GMPS: variants seen among roughly 807,000 people sequenced by gnomAD.
The protein encoded by GMPS is guanosine monophosphate synthase, also known as GMP synthase [glutamine-hydrolyzing].
In GMPS, 15 loss-of-function variants were observed where a neutral mutation model predicts 77.9. The observed-to-expected ratio is 0.19, with a 90% CI of 0.13 to 0.30. The LOEUF (loss-of-function observed/expected upper bound fraction) is 0.30, where lower values mean the gene tolerates loss of function less well. Among genes scored for constraint, GMPS ranks in the 10% least tolerant of loss-of-function variants. GMPS has a pLI of 1.00. For missense variants in GMPS, 590 were observed against 838.8 expected (o/e 0.70, Z 3.66); for synonymous variants, 224 against 275.9 (o/e 0.81, Z 1.86).
At chr3:155,937,520 C>A in intron 15 of GMPS, 71 bp from the exon 16 acceptor site, 1 of 711,714 alleles carries the variant, frequency 1.4e-6, no homozygotes, top group Non-Finnish European at 2.5e-6. Flanking sequence ...TTTCAAATTA[C>A]AAATGTAAGC....
At chr3:155,883,197 G>A (rs1321483028) in intron 1 of GMPS, among the ~76,000 whole-genome samples, 1 of 151,988 alleles carries the variant, frequency 6.6e-6, no homozygotes, top group Admixed American at 6.6e-5. Context: ...TCAGGCTCCC[G>A]AGTAACTAAA....
At chr3:155,922,149 A>G in intron 10 of GMPS, 38 bp from the exon 11 acceptor site, 1 of 751,838 alleles carries the variant, frequency 1.3e-6, no homozygotes, top group Non-Finnish European at 2.1e-6. Context: ...TAGAAATATA[A>G]CATTAATGTT....
chr3:155,876,724 T>C (rs1463208498), intron 1 of GMPS, among the ~76,000 whole-genome samples: 1 of 152,244 alleles, frequency 6.6e-6, no homozygotes, highest in African/African-American at 2.4e-5. Flanking sequence ...GTGATGTGTA[T>C]TTAAAATTTG....
chr3:155,873,632 T>C (rs1269819096), intron 1 of GMPS, among the ~76,000 whole-genome samples: 4 of 116,412 alleles, frequency 3.4e-5, no homozygotes, highest in Non-Finnish European at 7.1e-5. Context: ...GTTACATGAG[T>C]AAGTTCTTTT....
chr3:155,903,265 A>C (rs1378558818), intron 3 of GMPS, among the ~76,000 whole-genome samples: 1 of 152,196 alleles, frequency 6.6e-6, no homozygotes, highest in African/African-American at 2.4e-5. Flanking sequence ...AGATTGATTA[A>C]CAGTGGAGGT....
chr3:155,904,962 T>A (rs965069350), intron 4 of GMPS, among the ~76,000 whole-genome samples: 1 of 152,164 alleles, frequency 6.6e-6, no homozygotes, highest in African/African-American at 2.4e-5. Context: ...TCTTCTTGCT[T>A]TATTTTTAAT....
At chr3:155,896,522 G>GT (rs971278514) in intron 2 of GMPS, among the ~76,000 whole-genome samples, 1 of 151,480 alleles carries the variant, frequency 6.6e-6, no homozygotes, top group African/African-American at 2.4e-5. Context: ...TGAAGTTGCT[G>GT]TTTTTTTAAA....
intron 11 of GMPS, among the ~76,000 whole-genome samples, chr3:155,922,511 A>C (rs1234161053): frequency 6.6e-6 from 1 of 152,172 alleles, no homozygotes; most frequent in African/African-American, 2.4e-5. Flanking sequence ...GAGTCTCTAA[A>C]AATGTCAGAT....
intron 6 of GMPS, 41 bp downstream of exon 6, chr3:155,910,926 A>T: frequency 1.5e-6 from 2 of 1,362,224 alleles, no homozygotes; most frequent in Non-Finnish European, 2.0e-6. Flanking sequence ...ATTTATATCA[A>T]TAATATTGGA....
chr3:155,877,690 C>T (rs1754084946), intron 1 of GMPS, among the ~76,000 whole-genome samples: 1 of 152,056 alleles, frequency 6.6e-6, no homozygotes, highest in Non-Finnish European at 1.5e-5. Flanking sequence ...TCTCACAATT[C>T]TGAACGCTGA....
At chr3:155,906,800 A>G (rs1165712389) in intron 5 of GMPS, among the ~76,000 whole-genome samples, 2 of 152,158 alleles carry the variant, frequency 1.3e-5, no homozygotes, top group Admixed American at 6.5e-5. Context: ...GGGACTGTGT[A>G]TGTTGCACAG....
intron 7 of GMPS, among the ~76,000 whole-genome samples, chr3:155,913,992 G>A (rs1755104477): frequency 6.6e-6 from 1 of 151,798 alleles, no homozygotes; most frequent in Non-Finnish European, 1.5e-5. Context: ...TGTCACCCAG[G>A]CTGGAGTGCA....
intron 1 of GMPS, among the ~76,000 whole-genome samples, chr3:155,878,324 A>G (rs1470787183): frequency 6.6e-6 from 1 of 152,238 alleles, no homozygotes; most frequent in Non-Finnish European, 1.5e-5. Flanking sequence ...ATCTTGTAGC[A>G]TGTATAAGTA....
intron 1 of GMPS, among the ~76,000 whole-genome samples, chr3:155,878,994 G>C (rs887729289): frequency 6.6e-6 from 1 of 152,122 alleles, no homozygotes; most frequent in African/African-American, 2.4e-5. Context: ...GGCAGAAGGT[G>C]TCCTAGCTCC....
chr3:155,913,447 G>C (rs968963323), intron 7 of GMPS, among the ~76,000 whole-genome samples: 1 of 152,020 alleles, frequency 6.6e-6, no homozygotes, highest in African/African-American at 2.4e-5. Flanking sequence ...TGACTTCTTT[G>C]GGGCTAAGCT....
chr3:155,870,569 G>A (rs1173936301), upstream of GMPS: 1 of 351,718 alleles, frequency 2.8e-6, no homozygotes, highest in Admixed American at 4.9e-5. Flanking sequence ...GCTGCGGAGG[G>A]TATCTGAGGC....
intron 1 of GMPS, among the ~76,000 whole-genome samples, chr3:155,875,980 A>G (rs1754042078): frequency 6.6e-6 from 1 of 152,214 alleles, no homozygotes; most frequent in South Asian, 2.1e-4. Context: ...GAAGGTGTGG[A>G]AAATTTAAAT....
At chr3:155,898,407 A>G (rs368910701) in intron 3 of GMPS, among the ~76,000 whole-genome samples, 21 of 152,320 alleles carry the variant, frequency 1.4e-4, no homozygotes, top group African/African-American at 4.6e-4. Context: ...ATGCCCTGTT[A>G]CTTATATTTC....
chr3:155,925,163 A>T (rs115994291), intron 11 of GMPS, 78 bp from the exon 12 acceptor site: 1 of 1,286,154 alleles, frequency 7.8e-7, no homozygotes, highest in Non-Finnish European at 1.1e-6. Context: ...AGTAAAATAC[A>T]TAAGATAGTA....
Sources: gnomAD v4.1 joint callset for allele counts (sites outside exome capture counted in the v4.1 genomes callset) on GRCh38, gnomAD v4.1.1 for gene constraint, MANE v1.5 for transcripts, NCBI Gene and HGNC (gene_info 2026-07-23, HGNC 2026-07-21) for gene names.